Variants in PRIM2 observed in about 807,000 individuals in gnomAD.
PRIM2 encodes DNA primase subunit 2.
Under a neutral mutation model 67.3 loss-of-function variants are expected in PRIM2, and 39 were observed. The ratio of observed to expected loss-of-function variants is 0.58; its 90% confidence interval spans 0.45 to 0.76. The LOEUF is 0.76. Ranked by LOEUF, PRIM2 falls within the 30% of genes least tolerant of loss-of-function variation. The pLI is 0.00. For missense variants in PRIM2, 398 were observed against 598.7 expected, an observed-to-expected ratio of 0.66 and a Z score of 3.50; for synonymous variants, 143 against 198.7, an observed-to-expected ratio of 0.72 and a Z score of 2.36.
chr6:57,521,367 GTTT>G (rs1163114437), intron 8 of PRIM2, among the ~76,000 whole-genome samples: 1,380 of 97,950 alleles, frequency 0.014, 33 homozygotes, highest in African/African-American at 0.045. Context: ...TGTGGTTAGG[GTTT>G]TTTTTTTTTT....
At chr6:57,278,323 TA>T in the PRIM2 span, among the ~76,000 whole-genome samples, 43 of 149,042 alleles carry the variant, frequency 2.9e-4, no homozygotes, top group African/African-American at 6.1e-4. Context: ...CGAGACTGTT[TA>T]AAAAAAAAAA....
intron 7 of PRIM2, among the ~76,000 whole-genome samples, chr6:57,475,359 C>T (rs1773452200): frequency 6.6e-6 from 1 of 152,094 alleles, no homozygotes; most frequent in South Asian, 2.1e-4. Context: ...AGCTTTCATC[C>T]CCAATCTACC....
intron 5 of PRIM2, among the ~76,000 whole-genome samples, chr6:57,345,974 G>T (rs1034130770): frequency 6.6e-6 from 1 of 152,166 alleles, no homozygotes; most frequent in African/African-American, 2.4e-5. Flanking sequence ...CTTTTAGCAT[G>T]CTAATGGATT....
rs553507388 is a variant in PRIM2, at chr6:57,404,533, C to T, written c.693+22365C>T. Among the ~76,000 whole-genome samples, 5 of 150,282 alleles carry T rather than the reference C, an allele frequency of 3.3e-5. No homozygotes were observed. In the East Asian group the frequency reaches 9.9e-4, roughly 30 times the overall value. ...ACTGTTTATAAAAGCAAAGATTAAACTGTATACCTGATAATATGTGTGAAG... is the reference window on the plus strand; with the variant it reads ...ACTGTTTATAAAAGCAAAGATTAAATTGTATACCTGATAATATGTGTGAAG... On this transcript the variant is annotated intron_variant, in intron 7 of 13. Transcript: ENST00000615550.
At chr6:57,229,922 G>T in the PRIM2 span, among the ~76,000 whole-genome samples, 2 of 152,146 alleles carry the variant, frequency 1.3e-5, no homozygotes, top group African/African-American at 4.8e-5. Flanking sequence ...TTAGGAATGT[G>T]AAGTCATCTT....
chr6:57,453,427 G>A (rs1049875616), intron 7 of PRIM2, among the ~76,000 whole-genome samples: 1 of 152,094 alleles, frequency 6.6e-6, no homozygotes, highest in Non-Finnish European at 1.5e-5. Flanking sequence ...AGCATGGAAT[G>A]TTCTTCCATT....
At chr6:57,533,632 G>A (rs1774937792) in intron 9 of PRIM2, among the ~76,000 whole-genome samples, 1 of 152,174 alleles carries the variant, frequency 6.6e-6, no homozygotes, top group Non-Finnish European at 1.5e-5. Flanking sequence ...TTCCACTCAT[G>A]TGATTTGTGC....
At chr6:57,508,213 A>G (rs1291446390) in intron 8 of PRIM2, among the ~76,000 whole-genome samples, 274 of 152,248 alleles carry the variant, frequency 1.8e-3, no homozygotes, top group African/African-American at 4.1e-3. Context: ...CTGGGATTAC[A>G]GGCATAAGCC....
the PRIM2 span, among the ~76,000 whole-genome samples, chr6:57,232,162 C>T: frequency 6.6e-6 from 1 of 152,080 alleles, no homozygotes; most frequent in African/African-American, 2.4e-5. Context: ...ACAAAACAAG[C>T]GTTCCGTTGT....
chr6:57,501,812 T>G (rs1774138254), intron 7 of PRIM2, among the ~76,000 whole-genome samples: 1 of 152,244 alleles, frequency 6.6e-6, no homozygotes, highest in Non-Finnish European at 1.5e-5. Context: ...GAGTCTTATT[T>G]GAATACAGTC....
chr6:57,644,714 G>T (rs1177131331), intron 13 of PRIM2, among the ~76,000 whole-genome samples: 99 of 152,326 alleles, frequency 6.5e-4, no homozygotes, highest in African/African-American at 2.3e-3. Context: ...ATACAAGACA[G>T]ATGAACAAAA....
At chr6:57,432,213 T>C (rs1771856692) in intron 7 of PRIM2, among the ~76,000 whole-genome samples, 1 of 151,318 alleles carries the variant, frequency 6.6e-6, no homozygotes, top group Non-Finnish European at 1.5e-5. Flanking sequence ...GAGAAAACTT[T>C]CCATTTTTGG....
At chr6:57,324,389 C>T (rs1337078809) in intron 4 of PRIM2, 109 bp downstream of exon 4, 1 of 589,666 alleles carries the variant, frequency 1.7e-6, no homozygotes, top group African/African-American at 1.9e-5. Context: ...AGAATAACAT[C>T]AGGAGCCGGT....
At chr6:57,240,887 A>G in the PRIM2 span, among the ~76,000 whole-genome samples, 4 of 152,110 alleles carry the variant, frequency 2.6e-5, no homozygotes, top group East Asian at 7.8e-4. Flanking sequence ...CCAGAAGTTC[A>G]AGACCAGCTT....
At chr6:57,431,524 G>A (rs1771826057) in intron 7 of PRIM2, among the ~76,000 whole-genome samples, 1 of 152,002 alleles carries the variant, frequency 6.6e-6, no homozygotes, top group South Asian at 2.1e-4. Flanking sequence ...CAGGCCTGGA[G>A]GTGCACCCAG....
At chr6:57,465,429 T>C (rs1162922512) in intron 7 of PRIM2, among the ~76,000 whole-genome samples, 1 of 152,166 alleles carries the variant, frequency 6.6e-6, no homozygotes, top group African/African-American at 2.4e-5. Flanking sequence ...AGAGGTAGCA[T>C]CCAGGGCCCA....
chr6:57,300,545 T>C, the PRIM2 span, among the ~76,000 whole-genome samples: 1 of 152,194 alleles, frequency 6.6e-6, no homozygotes, highest in Non-Finnish European at 1.5e-5. Flanking sequence ...TGGTTTACTG[T>C]GTGCCTTCTA....
intron 7 of PRIM2, among the ~76,000 whole-genome samples, chr6:57,405,562 A>T (rs1199678431): frequency 7.4e-6 from 1 of 136,002 alleles, no homozygotes; most frequent in Non-Finnish European, 1.6e-5. Context: ...CACATCCTAT[A>T]TTAAATTACC....
At position 57,331,568 on chromosome 6, in the gene PRIM2, C is replaced by T. The variant is rs190171803; in HGVS notation, c.459+5523C>T. Among the ~76,000 whole-genome samples, 246 of 152,210 alleles carry T rather than the reference C, an allele frequency of 1.6e-3. 1 individual carries two copies. The highest frequency in any genetic ancestry group is 3.1e-3 in the Non-Finnish European group (208 of 68,012). On this transcript the variant is annotated intron_variant, in intron 5 of 13. Coordinates refer to ENST00000615550, the MANE Select transcript of PRIM2 (RefSeq NM_000947.5). Reference sequence around the variant, plus strand: ...GGGTCATTAAAATTACCAATTCATTCTCTTTACTTATTATGAATCTATTTA... The same window carrying T: ...GGGTCATTAAAATTACCAATTCATTTTCTTTACTTATTATGAATCTATTTA...
Sources: gnomAD v4.1 joint callset for allele counts (sites outside exome capture counted in the v4.1 genomes callset) on GRCh38, gnomAD v4.1.1 for gene constraint, MANE v1.5 for transcripts, NCBI Gene and HGNC (gene_info 2026-07-23, HGNC 2026-07-21) for gene names.